The following FBXL7 variants were observed in gnomAD, a reference collection of about 807,000 sequenced individuals.
The protein encoded by FBXL7 is F-box and leucine rich repeat protein 7.
Under a neutral mutation model 38.3 loss-of-function variants are expected in FBXL7, and 12 were observed. That is an observed-to-expected ratio of 0.31 (90% confidence interval 0.20 to 0.51). The LOEUF (loss-of-function observed/expected upper bound fraction) is 0.51, where lower values mean the gene tolerates loss of function less well. Ranked by LOEUF, FBXL7 falls within the 20% of genes least tolerant of loss-of-function variation. The probability of loss-of-function intolerance (pLI) is 0.98; values close to 1 mark genes in which losing one functional copy is unlikely to be tolerated. For missense variants in FBXL7, 567 were observed against 676.4 expected, an observed-to-expected ratio of 0.84 and a Z score of 1.79; for synonymous variants, 297 against 300.9, an observed-to-expected ratio of 0.99 and a Z score of 0.13.
intron 2 of FBXL7, among the ~76,000 whole-genome samples, chr5:15,725,829 GGTTTCACCAT>G (rs1744332330): frequency 6.6e-6 from 1 of 152,004 alleles, no homozygotes; most frequent in African/African-American, 2.4e-5. Context: ...GTAGAGACAG[GGTTTCACCAT>G]GTTGGCCAGG....
chr5:15,539,784 C>A (rs1279019129), intron 1 of FBXL7, among the ~76,000 whole-genome samples: 1 of 151,946 alleles, frequency 6.6e-6, no homozygotes, highest in African/African-American at 2.4e-5. Flanking sequence ...ATTACAGTGG[C>A]ACTCTGCGTT....
chr5:15,734,834 G>T (rs532861462), intron 2 of FBXL7, among the ~76,000 whole-genome samples: 1 of 152,366 alleles, frequency 6.6e-6, no homozygotes, highest in South Asian at 2.1e-4. Context: ...ATAGAAAAGA[G>T]AGAAAGCATG....
At chr5:15,694,634 G>A (rs1301785933) in intron 2 of FBXL7, among the ~76,000 whole-genome samples, 2 of 152,142 alleles carry the variant, frequency 1.3e-5, no homozygotes, top group African/African-American at 2.4e-5. Context: ...GTAGGACACA[G>A]GAATATAAGC....
chr5:15,777,619 T>A (rs1736887805), intron 2 of FBXL7, among the ~76,000 whole-genome samples: 1 of 149,182 alleles, frequency 6.7e-6, no homozygotes, highest in Non-Finnish European at 1.5e-5. Context: ...TGAATCAAAA[T>A]TTAAAAGCTC....
intron 2 of FBXL7, among the ~76,000 whole-genome samples, chr5:15,779,050 A>G (rs535045231): frequency 1.0e-3 from 158 of 152,238 alleles, no homozygotes; most frequent in Non-Finnish European, 2.0e-3. Flanking sequence ...ATTACAGTAG[A>G]TGACATATAC....
At chr5:15,752,714 T>C (rs1222306083) in intron 2 of FBXL7, among the ~76,000 whole-genome samples, 1 of 152,208 alleles carries the variant, frequency 6.6e-6, no homozygotes, top group African/African-American at 2.4e-5. Context: ...TACTGTACTT[T>C]TTTATTACTT....
Position 15,616,172 on chromosome 5 carries a change from T to G in FBXL7, c.127+100T>G, listed in dbSNP as rs957151109. On this transcript the variant is annotated intron_variant, in intron 2 of 3. Coordinates refer to ENST00000504595, the MANE Select transcript of FBXL7 (RefSeq NM_012304.5). ...GGAGTGTTAGTTCTATTCTCCTGAG[T>G]GGGAGCATATGAGATCTTAAAAATG... is the stretch of plus-strand genomic sequence containing the variant. 46 of 694,802 alleles carry G rather than the reference T, an allele frequency of 6.6e-5. No individual in the cohort carries two copies. In the African/African-American group the frequency reaches 7.7e-4, roughly 12 times the overall value. 43.0% of individuals were successfully genotyped at this position (694,802 alleles called of 1,614,324 possible).
intron 2 of FBXL7, among the ~76,000 whole-genome samples, chr5:15,759,016 A>G (rs763168029): frequency 3.9e-5 from 6 of 152,228 alleles, no homozygotes; most frequent in Non-Finnish European, 7.4e-5. Context: ...TAGCATATGT[A>G]TCTGCCAAGA....
intron 2 of FBXL7, among the ~76,000 whole-genome samples, chr5:15,847,926 A>G (rs1449934018): frequency 6.6e-6 from 1 of 152,190 alleles, no homozygotes; most frequent in Non-Finnish European, 1.5e-5. Context: ...TTCTTCTAAC[A>G]ACACCTAAGT....
At chr5:15,899,741 T>C (rs1047529623) in intron 2 of FBXL7, among the ~76,000 whole-genome samples, 1 of 152,142 alleles carries the variant, frequency 6.6e-6, no homozygotes, top group Non-Finnish European at 1.5e-5. Flanking sequence ...ATCTAAATCA[T>C]TAATGAGAAG....
At chr5:15,582,185 C>G (rs1266543579) in intron 1 of FBXL7, among the ~76,000 whole-genome samples, 1 of 152,134 alleles carries the variant, frequency 6.6e-6, no homozygotes, top group African/African-American at 2.4e-5. Flanking sequence ...GTGATCCACC[C>G]ACCTCAGCCT....
In FBXL7 at chr5:15,819,688, G is replaced by A. The variant is rs201565813; in HGVS notation, c.128-108202G>A. 6.6e-5 allele frequency among the ~76,000 whole-genome samples: 10 copies of A among 152,122 alleles called. No individual in the cohort carries two copies. The East Asian group carries it at 1.2e-3, about 18-fold the overall frequency. The stretch of plus-strand genomic sequence containing the variant: ...TGAAAGCCACAAAAGCATGGAGTGC[G>A]TTTGATATCAACCAGTTTGCAAATT... On this transcript the variant is annotated intron_variant, in intron 2 of 3. Transcript: ENST00000504595.
chr5:15,627,235 C>T (rs1740848938), intron 2 of FBXL7, among the ~76,000 whole-genome samples: 1 of 152,152 alleles, frequency 6.6e-6, no homozygotes, highest in South Asian at 2.1e-4. Flanking sequence ...ACTTGTGTAG[C>T]AGTTAAATAG....
intron 2 of FBXL7, among the ~76,000 whole-genome samples, chr5:15,914,031 A>T (rs1340951496): frequency 2.0e-5 from 3 of 152,218 alleles, no homozygotes. Context: ...TTCTGGGCCA[A>T]TGTAAAAGTG....
At chr5:15,615,392 C>G (rs960059457) in intron 1 of FBXL7, among the ~76,000 whole-genome samples, 2 of 152,078 alleles carry the variant, frequency 1.3e-5, no homozygotes, top group Non-Finnish European at 2.9e-5. Flanking sequence ...TTGTGACAAC[C>G]AAAAATGATA....
chr5:15,582,227 C>G (rs1054015416), intron 1 of FBXL7, among the ~76,000 whole-genome samples: 1 of 152,200 alleles, frequency 6.6e-6, no homozygotes, highest in Non-Finnish European at 1.5e-5. Context: ...GTGTGAGGCA[C>G]CACACCCAGC....
At chr5:15,750,027 G>A (rs181452701) in intron 2 of FBXL7, among the ~76,000 whole-genome samples, 4 of 152,300 alleles carry the variant, frequency 2.6e-5, no homozygotes, top group South Asian at 4.1e-4. Flanking sequence ...ACAGACTTAT[G>A]CTTCAGCCTG....
At chr5:15,686,774 A>G (rs146633951) in intron 2 of FBXL7, among the ~76,000 whole-genome samples, 1 of 152,336 alleles carries the variant, frequency 6.6e-6, no homozygotes, top group Non-Finnish European at 1.5e-5. Flanking sequence ...GCTTGAAAAT[A>G]TAACTTTTTG....
At chr5:15,616,180 T>A (rs1740446622) in intron 2 of FBXL7, 108 bp downstream of exon 2, 1 of 634,062 alleles carries the variant, frequency 1.6e-6, no homozygotes, top group Non-Finnish European at 2.7e-6. Flanking sequence ...AGTGGGAGCA[T>A]ATGAGATCTT....
Sources: allele counts gnomAD v4.1 joint callset (sites outside exome capture counted in the v4.1 genomes callset), GRCh38; gene constraint gnomAD v4.1.1; transcripts MANE v1.5; gene names NCBI Gene and HGNC (gene_info 2026-07-23, HGNC 2026-07-21).